CNTN4: variants seen among roughly 807,000 people sequenced by gnomAD.
The protein encoded by CNTN4 is contactin-4.
A neutral mutation model predicts 122.5 loss-of-function variants in CNTN4; 77 were observed. The observed-to-expected ratio is 0.63, with a 90% CI of 0.52 to 0.76. The LOEUF is 0.76. CNTN4 is among the 30% of genes least tolerant of loss of function. The pLI is 0.00. For synonymous variants in CNTN4, 512 were observed against 447.0 expected, an observed-to-expected ratio of 1.15 and a Z score of -1.83; for missense variants, 1,256 against 1,259.1, an observed-to-expected ratio of 1.00 and a Z score of 0.04.
At chr3:2,812,413 A>G (rs1286829621) in intron 6 of CNTN4, among the ~76,000 whole-genome samples, 4 of 152,164 alleles carry the variant, frequency 2.6e-5, no homozygotes, top group African/African-American at 4.8e-5. Flanking sequence ...TAGTGCGTAT[A>G]TCTTAAATAT....
At chr3:2,844,216 C>T (rs1007706371) in intron 7 of CNTN4, among the ~76,000 whole-genome samples, 2 of 152,208 alleles carry the variant, frequency 1.3e-5, no homozygotes, top group African/African-American at 4.8e-5. Context: ...AAATAGTACT[C>T]ACCATCCTTC....
intron 4 of CNTN4, among the ~76,000 whole-genome samples, chr3:2,717,592 A>G (rs1407842577): frequency 6.6e-6 from 1 of 152,186 alleles, no homozygotes; most frequent in Non-Finnish European, 1.5e-5. Context: ...GAGTATGAAT[A>G]TATGCCAAGT....
At chr3:3,020,481 T>C (rs941214277) in intron 14 of CNTN4, among the ~76,000 whole-genome samples, 2 of 152,148 alleles carry the variant, frequency 1.3e-5, no homozygotes, top group East Asian at 1.9e-4. Context: ...AGGAAGGGCA[T>C]GTGGGGAGGT....
At chr3:2,437,762 G>A (rs754824019) in intron 3 of CNTN4, among the ~76,000 whole-genome samples, 1 of 152,192 alleles carries the variant, frequency 6.6e-6, no homozygotes, top group Non-Finnish European at 1.5e-5. Flanking sequence ...GAAGCGTGAA[G>A]CGTAATCGCC....
intron 12 of CNTN4, among the ~76,000 whole-genome samples, chr3:2,912,993 A>C (rs2094317496): frequency 6.6e-6 from 1 of 152,124 alleles, no homozygotes. Flanking sequence ...GTCTACTAAA[A>C]ATACAAAGTT....
At chr3:2,853,234 T>A (rs922696249) in intron 7 of CNTN4, among the ~76,000 whole-genome samples, 3 of 152,088 alleles carry the variant, frequency 2.0e-5, no homozygotes, top group African/African-American at 7.2e-5. Flanking sequence ...AATGAATTTA[T>A]TGTTTTTGTT....
chr3:2,606,166 G>C (rs1227745506), intron 4 of CNTN4, among the ~76,000 whole-genome samples: 2 of 152,176 alleles, frequency 1.3e-5, no homozygotes, highest in Non-Finnish European at 2.9e-5. Flanking sequence ...TATTGATAGG[G>C]AGGTCAGTAT....
At chr3:2,128,567 C>T (rs147249350) in intron 2 of CNTN4, among the ~76,000 whole-genome samples, 9 of 152,070 alleles carry the variant, frequency 5.9e-5, no homozygotes, top group African/African-American at 1.7e-4. Context: ...AGACTGTGAT[C>T]GACACTAAGA....
At chr3:2,747,147 C>T (rs767619710) in intron 6 of CNTN4, among the ~76,000 whole-genome samples, 14 of 151,594 alleles carry the variant, frequency 9.2e-5, no homozygotes, top group Non-Finnish European at 1.5e-4. Flanking sequence ...CGGTGGCTCA[C>T]GCCTGTAATC....
intron 10 of CNTN4, among the ~76,000 whole-genome samples, chr3:2,900,039 T>C (rs1286761506): frequency 3.9e-5 from 6 of 152,170 alleles, no homozygotes; most frequent in Non-Finnish European, 8.8e-5. Context: ...TCCTCAAAAA[T>C]GGCAGGTGGA....
At chr3:2,332,071 A>G (rs1219251471) in intron 2 of CNTN4, among the ~76,000 whole-genome samples, 1 of 152,048 alleles carries the variant, frequency 6.6e-6, no homozygotes, top group Non-Finnish European at 1.5e-5. Flanking sequence ...CATCCCCTTT[A>G]GAGTCGATAG....
intron 6 of CNTN4, among the ~76,000 whole-genome samples, chr3:2,772,092 G>T (rs2091127539): frequency 6.6e-6 from 1 of 152,128 alleles, no homozygotes; most frequent in Non-Finnish European, 1.5e-5. Flanking sequence ...GGAGGACCTT[G>T]TTTGACATGG....
intron 3 of CNTN4, among the ~76,000 whole-genome samples, chr3:2,469,758 T>A (rs114361185): frequency 0.013 from 1,904 of 152,272 alleles, 39 homozygotes; most frequent in African/African-American, 0.043. Flanking sequence ...ATATGGGTGA[T>A]GGGCTCAGTA....
At chr3:2,511,402 G>A (rs1019477253) in intron 3 of CNTN4, 3 of 152,224 alleles carry the variant, frequency 2.0e-5, no homozygotes, top group African/African-American at 7.2e-5. Context: ...CCCAGTGTGC[G>A]TCTTTGATTC....
chr3:2,635,481 C>A (rs563028102), intron 4 of CNTN4, among the ~76,000 whole-genome samples: 6 of 152,148 alleles, frequency 3.9e-5, no homozygotes, highest in African/African-American at 1.4e-4. Context: ...ATTCATGCAT[C>A]TCTATCCCCC....
intron 6 of CNTN4, among the ~76,000 whole-genome samples, chr3:2,791,460 G>A (rs1254783412): frequency 6.6e-6 from 1 of 151,824 alleles, no homozygotes; most frequent in Non-Finnish European, 1.5e-5. Flanking sequence ...CTGAGCCCAG[G>A]AGGTTGAGGC....
In CNTN4 at chr3:2,631,517, A is replaced by G. The variant is rs187711125; in HGVS notation, c.55+59959A>G. Among the ~76,000 whole-genome samples, 7 of 152,284 alleles carry G rather than the reference A, an allele frequency of 4.6e-5. No homozygotes were observed. The East Asian group carries it at 1.4e-3, about 29-fold the overall frequency. ...CAGTACCATTCAGAGCATGAGATTG[A>G]TTCAGTCATGTCCACCATCTGGTTC... On this transcript the variant is annotated intron_variant, in intron 4 of 24. Transcript: ENST00000418658.
Position 3,029,441 on chromosome 3 carries a change from A to G in CNTN4, c.1663-1414A>G, listed in dbSNP as rs1698990909. 2.0e-5 allele frequency among the ~76,000 whole-genome samples: 3 copies of G among 152,210 alleles called. No individual in the cohort carries two copies. The South Asian group carries it at 6.2e-4, about 32-fold the overall frequency. ...GATTAAGAGATTTAGATGAAATCAC[A>G]CAGCAGGAATCAGCCCAAGACAACT... On this transcript the variant is annotated intron_variant, in intron 15 of 24. Transcript: ENST00000418658.
chr3:2,673,120 C>A (rs2084631909), intron 4 of CNTN4, among the ~76,000 whole-genome samples: 1 of 152,106 alleles, frequency 6.6e-6, no homozygotes, highest in Non-Finnish European at 1.5e-5. Context: ...TGGTAGAATT[C>A]TTAGATGGAA....
Sources: gnomAD v4.1 joint callset for allele counts (sites outside exome capture counted in the v4.1 genomes callset) on GRCh38, gnomAD v4.1.1 for gene constraint, MANE v1.5 for transcripts, NCBI Gene and HGNC (gene_info 2026-07-23, HGNC 2026-07-21) for gene names.